Variants in VPS13A observed in about 807,000 individuals in gnomAD.
VPS13A encodes intermembrane lipid transfer protein VPS13A.
VPS13A carries 264 observed loss-of-function variants against 390.9 expected under a neutral mutation model. The ratio of observed to expected loss-of-function variants is 0.68; its 90% CI spans 0.61 to 0.75. The LOEUF (loss-of-function observed/expected upper bound fraction) is 0.75, where lower values mean the gene tolerates loss of function less well. Ranked by LOEUF, VPS13A falls within the 30% of genes least tolerant of loss-of-function variation. The pLI, the probability that VPS13A is intolerant of heterozygous loss-of-function variation, is 0.00. For missense variants in VPS13A, 3,409 were observed against 3,733.9 expected, an observed-to-expected ratio of 0.91 and a Z score of 2.27; for synonymous variants, 1,231 against 1,227.1, an observed-to-expected ratio of 1.00 and a Z score of -0.07.
chr9:77,217,134 G>A (rs1433881194), intron 10 of VPS13A, among the ~76,000 whole-genome samples: 1 of 152,112 alleles, frequency 6.6e-6, no homozygotes, highest in East Asian at 1.9e-4. Context: ...GGTTTTTGGA[G>A]GGAAAAGAGG....
Position 77,356,977 on chromosome 9 carries a change from C to A in VPS13A, c.7806+110C>A, listed in dbSNP as rs1587650562. 4 of 1,179,584 alleles carry A rather than the reference C, an allele frequency of 3.4e-6. No homozygotes were observed. In the East Asian group the frequency reaches 7.4e-5, roughly 22 times the overall value. 73.1% of individuals were successfully genotyped at this position (1,179,584 alleles called of 1,614,324 possible). A position where few individuals can be genotyped will look rare whatever the true frequency, so the allele number is the denominator to read the frequency against. ...TGGCTTCCTTATAAAACAAAATAAT[C>A]CTGTCATACATACCTTGTATAAAAT... On this transcript the variant is annotated intron_variant, in intron 55 of 71. Transcript: ENST00000360280.
intron 17 of VPS13A, among the ~76,000 whole-genome samples, chr9:77,234,154 A>G (rs980144376): frequency 1.1e-4 from 17 of 152,072 alleles, no homozygotes; most frequent in African/African-American, 3.9e-4. Flanking sequence ...ACAGTTTTCT[A>G]TTGAAAGATA....
At position 77,353,656 on chromosome 9, in the gene VPS13A, A is replaced by C; in HGVS notation, c.7652+15A>C. On this transcript the variant is annotated intron_variant, in intron 54 of 71. Coordinates refer to ENST00000360280, the MANE Select transcript of VPS13A (RefSeq NM_033305.3). ...GGCATTACAAGGTTAGATGCATTAA[A>C]TTTTGGATACATTTAAATGATCAGT... 6.3e-7 allele frequency: 1 copy of C among 1,590,188 alleles called. No homozygotes were observed. Among genetic ancestry groups the C allele is most frequent in the Non-Finnish European group, 8.6e-7 (1 of 1,159,114 alleles).
intron 68 of VPS13A, among the ~76,000 whole-genome samples, chr9:77,392,074 G>A (rs900032146): frequency 3.3e-5 from 5 of 151,998 alleles, no homozygotes; most frequent in African/African-American, 9.7e-5. Context: ...CTGTAATGTC[G>A]GATCTTCACA....
intron 35 of VPS13A, among the ~76,000 whole-genome samples, chr9:77,309,769 A>G (rs1241273063): frequency 6.6e-6 from 1 of 152,150 alleles, no homozygotes; most frequent in Admixed American, 6.6e-5. Flanking sequence ...GCTCTTAGCT[A>G]TAATGAATCT....
intron 68 of VPS13A, among the ~76,000 whole-genome samples, chr9:77,384,165 C>CAA (rs1833578704): frequency 6.6e-6 from 1 of 151,324 alleles, no homozygotes; most frequent in Non-Finnish European, 1.5e-5. Flanking sequence ...ATGTTATTTT[C>CAA]TTATTTTCTA....
intron 68 of VPS13A, among the ~76,000 whole-genome samples, chr9:77,397,527 C>T (rs1834167705): frequency 6.6e-6 from 1 of 152,024 alleles, no homozygotes; most frequent in Non-Finnish European, 1.5e-5. Context: ...TATTTTTAAT[C>T]TTTTCATATT....
chr9:77,286,811 TTAAGTA>T (rs1331163125), intron 31 of VPS13A, among the ~76,000 whole-genome samples: 1 of 152,206 alleles, frequency 6.6e-6, no homozygotes, highest in Admixed American at 6.5e-5. Flanking sequence ...AAAAATACTA[TTAAGTA>T]TAAGCCTGGC....
chr9:77,212,116 C>T (rs1218624276), intron 7 of VPS13A, among the ~76,000 whole-genome samples: 2 of 152,094 alleles, frequency 1.3e-5, no homozygotes, highest in East Asian at 1.9e-4. Flanking sequence ...CCATTCAGTT[C>T]GTCTCCACAT....
chr9:77,322,740 T>C (rs185452379), intron 44 of VPS13A, among the ~76,000 whole-genome samples: 1 of 152,088 alleles, frequency 6.6e-6, no homozygotes, highest in Admixed American at 6.6e-5. Context: ...TACCAATGTC[T>C]ACCAAAAGGT....
chr9:77,374,212 G>C (rs760566237), intron 67 of VPS13A, among the ~76,000 whole-genome samples: 1 of 151,970 alleles, frequency 6.6e-6, no homozygotes, highest in Non-Finnish European at 1.5e-5. Flanking sequence ...CTGAAACCTT[G>C]GACAGTACTT....
chr9:77,230,844 T>A (rs1442852762), intron 17 of VPS13A, among the ~76,000 whole-genome samples: 1 of 152,176 alleles, frequency 6.6e-6, no homozygotes, highest in East Asian at 1.9e-4. Context: ...ATTATTCAGC[T>A]ACTTATCTAA....
intron 68 of VPS13A, among the ~76,000 whole-genome samples, chr9:77,402,163 G>T (rs1834421215): frequency 6.6e-6 from 1 of 152,074 alleles, no homozygotes; most frequent in East Asian, 1.9e-4. Context: ...AAATAGTAAA[G>T]ATATTCTTTT....
intron 67 of VPS13A, among the ~76,000 whole-genome samples, chr9:77,381,610 C>T (rs553697121): frequency 3.0e-4 from 45 of 151,820 alleles, no homozygotes; most frequent in Non-Finnish European, 1.2e-4. Context: ...TTGCTGATAA[C>T]TATACTTCAC....
chr9:77,332,225 G>A (rs921553877), intron 46 of VPS13A, 112 bp downstream of exon 46: 3 of 823,064 alleles, frequency 3.6e-6, no homozygotes, highest in African/African-American at 3.4e-5. Flanking sequence ...CTTATCTAAC[G>A]TATTTAGGTT....
chr9:77,204,466 A>G (rs12341280), intron 3 of VPS13A, among the ~76,000 whole-genome samples: 44,664 of 151,924 alleles, frequency 0.29, 6,884 homozygotes, highest in Middle Eastern at 0.34. Flanking sequence ...TACCCAGAAT[A>G]TTTTATTATT....
At chr9:77,190,438 T>G (rs1824605716) in intron 1 of VPS13A, among the ~76,000 whole-genome samples, 1 of 152,196 alleles carries the variant, frequency 6.6e-6, no homozygotes, top group Non-Finnish European at 1.5e-5. Flanking sequence ...AGGAATAAAG[T>G]CTACTTGATC....
chr9:77,181,534 AAAG>A (rs1564612169), intron 1 of VPS13A, among the ~76,000 whole-genome samples: 2 of 151,050 alleles, frequency 1.3e-5, no homozygotes, highest in East Asian at 1.9e-4. Flanking sequence ...AAAAAAAAAA[AAAG>A]AAACTGGATG....
At chr9:77,189,028 A>G (rs1182843498) in intron 1 of VPS13A, among the ~76,000 whole-genome samples, 1 of 151,548 alleles carries the variant, frequency 6.6e-6, no homozygotes, top group East Asian at 1.9e-4. Context: ...TGTTGGATGT[A>G]TAGCTTGCAA....
Sources: allele counts gnomAD v4.1 joint callset (sites outside exome capture counted in the v4.1 genomes callset), GRCh38; gene constraint gnomAD v4.1.1; transcripts MANE v1.5; gene names NCBI Gene and HGNC (gene_info 2026-07-23, HGNC 2026-07-21).